SWT1: variants seen among roughly 807,000 people sequenced by gnomAD.
The protein encoded by SWT1 is transcriptional protein SWT1.
Under a neutral mutation model 107.3 loss-of-function variants are expected in SWT1, and 33 were observed. The ratio of observed to expected loss-of-function variants is 0.31; its 90% CI spans 0.23 to 0.41. SWT1 has a LOEUF of 0.41. SWT1 is among the 10% of genes least tolerant of loss of function. The pLI is 1.00. For synonymous variants in SWT1, 345 were observed against 348.3 expected (o/e 0.99, Z 0.11); for missense variants, 898 against 1,028.9 (o/e 0.87, Z 1.74).
intron 16 of SWT1, among the ~76,000 whole-genome samples, chr1:185,249,473 C>G (rs1049978697): frequency 2.6e-5 from 4 of 152,098 alleles, no homozygotes; most frequent in African/African-American, 9.7e-5. Context: ...ATCCCCAAGT[C>G]TTATCCCTTT....
intron 12 of SWT1, among the ~76,000 whole-genome samples, chr1:185,206,384 G>A (rs1658337887): frequency 6.6e-6 from 1 of 152,094 alleles, no homozygotes; most frequent in South Asian, 2.1e-4. Flanking sequence ...TTAGATGTAT[G>A]TTTTTCTTTT....
chr1:185,199,981 C>T (rs912563133), intron 10 of SWT1, among the ~76,000 whole-genome samples: 30 of 152,150 alleles, frequency 2.0e-4, no homozygotes, highest in Non-Finnish European at 3.8e-4. Flanking sequence ...CTTAAGGCTT[C>T]ATTTCATTAA....
At chr1:185,180,864 C>G (rs1357953159) in intron 6 of SWT1, among the ~76,000 whole-genome samples, 1 of 152,124 alleles carries the variant, frequency 6.6e-6, no homozygotes, top group Non-Finnish European at 1.5e-5. Flanking sequence ...TATCTTTTTA[C>G]CTGTTGCTTC....
chr1:185,171,285 C>G (rs1285931658), intron 4 of SWT1: 2 of 191,218 alleles, frequency 1.0e-5, no homozygotes, highest in Non-Finnish European at 2.3e-5. Flanking sequence ...CATTTTGGTT[C>G]CCAAGTTTTA....
intron 9 of SWT1, among the ~76,000 whole-genome samples, chr1:185,185,649 AC>A (rs1329409636): frequency 6.6e-6 from 1 of 152,140 alleles, no homozygotes; most frequent in Non-Finnish European, 1.5e-5. Context: ...TGTCCACTGC[AC>A]CCATATTCAC....
intron 16 of SWT1, among the ~76,000 whole-genome samples, chr1:185,265,645 T>G (rs1663319273): frequency 6.6e-6 from 1 of 152,196 alleles, no homozygotes; most frequent in Non-Finnish European, 1.5e-5. Context: ...CCTAGATAGG[T>G]TAATTAGCCT....
intron 14 of SWT1, among the ~76,000 whole-genome samples, chr1:185,214,982 C>G (rs1340996374): frequency 4.6e-5 from 7 of 152,112 alleles, no homozygotes; most frequent in Admixed American, 1.3e-4. Context: ...TCAAAAATAC[C>G]TAGGAAATTG....
At chr1:185,221,170 C>A (rs1401751635) in intron 14 of SWT1, among the ~76,000 whole-genome samples, 1 of 152,128 alleles carries the variant, frequency 6.6e-6, no homozygotes, top group East Asian at 1.9e-4. Context: ...CTTGGGGTCT[C>A]CCTCACTCCC....
intron 18 of SWT1, among the ~76,000 whole-genome samples, chr1:185,284,677 T>G (rs1400424139): frequency 6.6e-6 from 1 of 152,176 alleles, no homozygotes; most frequent in East Asian, 1.9e-4. Flanking sequence ...GTTCAGTGAT[T>G]GGCTATACAT....
chr1:185,190,494 G>C (rs1042650493), intron 9 of SWT1, 55 bp from the exon 10 acceptor site: 1 of 978,640 alleles, frequency 1.0e-6, no homozygotes, highest in African/African-American at 1.6e-5. Flanking sequence ...GATTATTTCT[G>C]TGTCACCCAC....
chr1:185,176,644 C>T, intron 5 of SWT1: 2 of 985,188 alleles, frequency 2.0e-6, no homozygotes, highest in Non-Finnish European at 2.4e-6. Flanking sequence ...ATGTAGAGAC[C>T]ACTGATAAAC....
intron 18 of SWT1, among the ~76,000 whole-genome samples, chr1:185,283,710 C>T (rs917331188): frequency 2.0e-5 from 3 of 152,176 alleles, no homozygotes; most frequent in African/African-American, 7.2e-5. Context: ...TCAGATGCAC[C>T]CCATCTCCGA....
At chr1:185,212,217 TA>T (rs920748071) in intron 13 of SWT1, among the ~76,000 whole-genome samples, 1 of 151,876 alleles carries the variant, frequency 6.6e-6, no homozygotes, top group South Asian at 2.1e-4. Flanking sequence ...AATAATAAAA[TA>T]AAAAAAATAA....
At chr1:185,227,213 G>A (rs1347940645) in intron 15 of SWT1, 4 of 831,682 alleles carry the variant, frequency 4.8e-6, no homozygotes, top group Non-Finnish European at 8.3e-6. Flanking sequence ...CTCCCTTCAG[G>A]GTGCTAAAAA....
In SWT1 at chr1:185,271,483, T is replaced by A. The variant is rs1027401254; in HGVS notation, c.2508+94T>A. Reference sequence around the variant, plus strand: ...GTAGGAGTTCTCAAACATAGTGGAATGCTATTTAATTGATATTTGCTTTAA... The same window carrying A: ...GTAGGAGTTCTCAAACATAGTGGAAAGCTATTTAATTGATATTTGCTTTAA... On this transcript the variant is annotated intron_variant, in intron 17 of 18. Coordinates refer to ENST00000367500, the MANE Select transcript of SWT1 (RefSeq NM_017673.7). 6.1e-6 allele frequency: 4 copies of A among 654,934 alleles called. No homozygotes were observed. In the African/African-American group the frequency reaches 7.4e-5, roughly 12 times the overall value. The allele number at this position is 654,934 out of a possible 1,614,324, so 40.6% of individuals were successfully genotyped here.
intron 16 of SWT1, among the ~76,000 whole-genome samples, chr1:185,262,844 T>C (rs973024460): frequency 1.3e-5 from 2 of 151,026 alleles, no homozygotes; most frequent in African/African-American, 4.9e-5. Flanking sequence ...TGGAGTGCAG[T>C]GGCATGATCT....
At chr1:185,256,524 ATTCAT>A (rs1056517550) in intron 16 of SWT1, among the ~76,000 whole-genome samples, 2 of 148,520 alleles carry the variant, frequency 1.3e-5, no homozygotes, top group Non-Finnish European at 3.0e-5. Flanking sequence ...GCTTCATTTC[ATTCAT>A]TTCATCTTCC....
chr1:185,224,053 G>A (rs773299416), intron 15 of SWT1, among the ~76,000 whole-genome samples: 8 of 152,124 alleles, frequency 5.3e-5, no homozygotes, highest in Non-Finnish European at 1.0e-4. Flanking sequence ...TTTTAATTGG[G>A]TTATCTTGTT....
In SWT1 at chr1:185,190,617, C is replaced by G; in HGVS notation, c.1498C>G (p.Pro500Ala). 2 of 1,607,694 alleles carry G rather than the reference C, an allele frequency of 1.2e-6. No homozygotes were observed. The highest frequency in any genetic ancestry group is 1.7e-6 in the Non-Finnish European group (2 of 1,174,708). ...CTGTCTCCAGCACCAGGAATTATTCCCTTGTTCTTTTGTTATTCTGTGCAC... is the reference window on the plus strand; with the variant it reads ...CTGTCTCCAGCACCAGGAATTATTCGCTTGTTCTTTTGTTATTCTGTGCAC... ...KCCLQHQELF[P>A]CSFVILCTDD... Residue 500 changes from proline to alanine, a missense_variant, in exon 10 of 19, where the codon CCT becomes GCT. By Grantham distance (27) the Pro-to-Ala change is conservative. Transcript: ENST00000367500.
Sources: gnomAD v4.1 joint callset for allele counts (sites outside exome capture counted in the v4.1 genomes callset) on GRCh38, gnomAD v4.1.1 for gene constraint, MANE v1.5 for transcripts, NCBI Gene and HGNC (gene_info 2026-07-23, HGNC 2026-07-21) for gene names.